The following HERC4 variants were observed in gnomAD, a reference collection of about 807,000 sequenced individuals.
HERC4 encodes probable E3 ubiquitin-protein ligase HERC4.
In HERC4, 28 loss-of-function variants were observed where a neutral mutation model predicts 124.3. The ratio of observed to expected loss-of-function variants is 0.23; its 90% CI spans 0.17 to 0.31. The LOEUF (loss-of-function observed/expected upper bound fraction) is 0.31. HERC4 is among the 10% of genes least tolerant of loss of function. The probability of loss-of-function intolerance (pLI) is 1.00; values close to 1 mark genes in which losing one functional copy is unlikely to be tolerated. For missense variants in HERC4, 713 were observed against 1,229.3 expected, an observed-to-expected ratio of 0.58 and a Z score of 6.28; for synonymous variants, 407 against 421.5, an observed-to-expected ratio of 0.97 and a Z score of 0.42.
In HERC4 at chr10:67,939,403, G is replaced by GA. The variant is rs1170337182; in HGVS notation, c.2571+184dup. ...ACCAGGGATAATCCCAACCTCACTGGATTGCTGAGGATTAAATGAAATGCA... is the reference window on the plus strand; with the variant it reads ...ACCAGGGATAATCCCAACCTCACTGGAATTGCTGAGGATTAAATGAAATGCA... On this transcript the variant is annotated intron_variant, in intron 21 of 24. Coordinates refer to ENST00000373700, the MANE Select transcript of HERC4 (RefSeq NM_015601.4). Among the ~76,000 whole-genome samples the GA allele has an allele frequency of 2.0e-5, 3 of 152,170 alleles. 1 individual carries two copies. The highest frequency in any genetic ancestry group is 2.0e-4 in the Admixed American group (3 of 15,278).
intron 19 of HERC4, chr10:67,954,328 A>C (rs966445794): frequency 1.1e-5 from 3 of 277,714 alleles, no homozygotes; most frequent in Non-Finnish European, 6.6e-6. Context: ...TCAATCCTCA[A>C]ATTGAAATCA....
rs12413347 is a variant in HERC4, at chr10:67,993,103, G to A, written c.1070-421C>T. 0.021 allele frequency: 3,267 copies of A among 152,980 alleles called. 315 individuals are homozygous for A. In the East Asian group the frequency reaches 0.31, roughly 15 times the overall value. 9.5% of individuals were successfully genotyped at this position (152,980 alleles called of 1,614,324 possible). A position where few individuals can be genotyped will look rare whatever the true frequency, so the allele number is the denominator to read the frequency against. On this transcript the variant is annotated intron_variant, in intron 9 of 24. Transcript: ENST00000373700. ...CTCATGCCTGTAATCCCAGCACTTTGGGAGGCTGAGGTGGGAGGATCATTT... is the reference window on the plus strand; with the variant it reads ...CTCATGCCTGTAATCCCAGCACTTTAGGAGGCTGAGGTGGGAGGATCATTT...
intron 9 of HERC4, among the ~76,000 whole-genome samples, chr10:68,013,672 T>A (rs2133124963): frequency 6.6e-6 from 1 of 152,278 alleles, no homozygotes; most frequent in South Asian, 2.1e-4. Context: ...CATAATAACG[T>A]GAATATGCTT....
chr10:68,035,868 C>T (rs2039435144), intron 5 of HERC4, among the ~76,000 whole-genome samples: 1 of 152,218 alleles, frequency 6.6e-6, no homozygotes. Flanking sequence ...TACCGCTGTC[C>T]TATGTTCTAA....
At chr10:68,016,760 C>T (rs1173619149) in intron 8 of HERC4, among the ~76,000 whole-genome samples, 4 of 152,080 alleles carry the variant, frequency 2.6e-5, no homozygotes, top group East Asian at 1.9e-4. Flanking sequence ...ACTCAATAGT[C>T]GAAATTTTAC....
chr10:68,027,553 C>G (rs928524897), intron 7 of HERC4, among the ~76,000 whole-genome samples: 1 of 152,148 alleles, frequency 6.6e-6, no homozygotes, highest in African/African-American at 2.4e-5. Flanking sequence ...AATAACTAGG[C>G]CATGTTTAAA....
intron 23 of HERC4, among the ~76,000 whole-genome samples, chr10:67,928,538 A>T (rs893063577): frequency 6.6e-6 from 1 of 152,170 alleles, no homozygotes; most frequent in Non-Finnish European, 1.5e-5. Flanking sequence ...CTTTAAAGTA[A>T]TTCTGTTGCC....
intron 24 of HERC4, 39 bp from the exon 25 acceptor site, chr10:67,923,178 C>T: frequency 6.8e-7 from 1 of 1,470,508 alleles, no homozygotes; most frequent in Non-Finnish European, 9.5e-7. Flanking sequence ...CACTTCAAAA[C>T]AAAAAGATAC....
intron 15 of HERC4, among the ~76,000 whole-genome samples, chr10:67,970,461 A>T (rs1465143179): frequency 6.6e-6 from 1 of 152,004 alleles, no homozygotes; most frequent in African/African-American, 2.4e-5. Flanking sequence ...CCGTGGTGGC[A>T]CATGCCTGTA....
At position 67,940,978 on chromosome 10, in the gene HERC4, G is replaced by C; in HGVS notation, c.2465C>G (p.Ser822Cys). Residue 822 changes from serine (S) to cysteine (C), a missense_variant, in exon 20 of 25, where the codon TCC becomes TGC. Coordinates refer to ENST00000373700, the MANE Select transcript of HERC4 (RefSeq NM_015601.4). The part of the protein sequence containing the change: ...LYKKLLKKKP[S>C]LDDLKELMPD... ...CATTAGTTCTTTCAAATCATCCAAG[G>C]ATGGCTTCTTTTTCAGTAGTTTCTT... is the stretch of plus-strand genomic sequence containing the variant. 3.7e-6 allele frequency: 6 copies of C among 1,610,998 alleles called. No homozygotes were observed. The highest frequency in any genetic ancestry group is 5.1e-6 in the Non-Finnish European group (6 of 1,179,220).
chr10:67,953,512 G>A (rs1256677259), intron 19 of HERC4, among the ~76,000 whole-genome samples: 1 of 152,126 alleles, frequency 6.6e-6, no homozygotes, highest in Non-Finnish European at 1.5e-5. Context: ...AAAGTATATA[G>A]GTTGTTTCAA....
chr10:68,030,832 G>A (rs1374133510), intron 7 of HERC4, among the ~76,000 whole-genome samples: 3 of 152,098 alleles, frequency 2.0e-5, no homozygotes, highest in Non-Finnish European at 4.4e-5. Flanking sequence ...ACATCTTTAT[G>A]GAAGTATCCT....
chr10:67,929,533 TC>T (rs113769836), intron 23 of HERC4, among the ~76,000 whole-genome samples: 10,055 of 151,924 alleles, frequency 0.066, 1,128 homozygotes, highest in African/African-American at 0.23. Context: ...TGCTTTTTTT[TC>T]TTTTTTGAGA....
chr10:68,049,911 C>CA (rs1309309234), intron 3 of HERC4, among the ~76,000 whole-genome samples: 1 of 151,774 alleles, frequency 6.6e-6, no homozygotes, highest in Non-Finnish European at 1.5e-5. Context: ...GGTCTCAAAA[C>CA]AAAAAACAAA....
At chr10:67,966,566 T>C in intron 16 of HERC4, 117 bp downstream of exon 16, 1 of 898,918 alleles carries the variant, frequency 1.1e-6, no homozygotes, top group Non-Finnish European at 1.7e-6. Context: ...ATTTAAAAAG[T>C]AAGTTCTGGA....
chr10:68,016,302 G>A (rs1463656065), intron 8 of HERC4, among the ~76,000 whole-genome samples: 3 of 152,070 alleles, frequency 2.0e-5, no homozygotes, highest in Non-Finnish European at 4.4e-5. Flanking sequence ...CTTCATTCAG[G>A]AGGTTTTTGA....
chr10:67,940,004 G>A (rs995295982), intron 20 of HERC4, among the ~76,000 whole-genome samples: 22 of 152,002 alleles, frequency 1.4e-4, no homozygotes, highest in Admixed American at 3.3e-4. Context: ...TTGGCTCACT[G>A]CAACCTCTGC....
At chr10:68,027,641 G>A (rs1176057146) in intron 7 of HERC4, among the ~76,000 whole-genome samples, 1 of 152,136 alleles carries the variant, frequency 6.6e-6, no homozygotes, top group East Asian at 1.9e-4. Flanking sequence ...AACTAAGTCG[G>A]GTGGGGCACG....
At chr10:67,978,948 C>A (rs1437221128) in intron 15 of HERC4, among the ~76,000 whole-genome samples, 1 of 152,176 alleles carries the variant, frequency 6.6e-6, no homozygotes, top group Admixed American at 6.5e-5. Flanking sequence ...GATACAGCTT[C>A]TAAGCGATGA....
Sources: gnomAD v4.1 joint callset for allele counts (sites outside exome capture counted in the v4.1 genomes callset) on GRCh38, gnomAD v4.1.1 for gene constraint, MANE v1.5 for transcripts, NCBI Gene and HGNC (gene_info 2026-07-23, HGNC 2026-07-21) for gene names.